SAXO1: variants seen among roughly 807,000 people sequenced by gnomAD.
SAXO1 encodes the protein 4930500O09Rik.
Under a neutral mutation model 17.5 loss-of-function variants are expected in SAXO1, and 21 were observed. That is an observed-to-expected ratio of 1.20 (90% CI 0.85 to 1.72). The LOEUF (loss-of-function observed/expected upper bound fraction) is 1.72, where lower values mean the gene tolerates loss of function less well. SAXO1 is among the 40% of genes most tolerant of loss of function. The probability of loss-of-function intolerance (pLI) is 0.00; values close to 1 mark genes in which losing one functional copy is unlikely to be tolerated. For synonymous variants in SAXO1, 274 were observed against 216.5 expected (o/e 1.27, Z -2.33); for missense variants, 843 against 596.0 (o/e 1.41, Z -4.32).
intron 2 of SAXO1, among the ~76,000 whole-genome samples, chr9:18,949,425 C>G (rs1831930613): frequency 6.6e-6 from 1 of 152,102 alleles, no homozygotes; most frequent in Non-Finnish European, 1.5e-5. Flanking sequence ...CCATTGCACT[C>G]CAGCCATGGC....
At chr9:19,013,187 C>A (rs1234127662) in intron 1 of SAXO1, among the ~76,000 whole-genome samples, 1 of 151,826 alleles carries the variant, frequency 6.6e-6, no homozygotes, top group East Asian at 1.9e-4. Context: ...GCCAAAAGGC[C>A]GAGAAGCGAT....
In SAXO1 at chr9:18,999,650, G is replaced by A. The variant is rs376532653; in HGVS notation, c.38+33221C>T. ...AAGTGAAGAGCCCCTCTGCCCGGCC[G>A]CCACACCGTCTGGGAAGTGAGGAGC... On this transcript the variant is annotated intron_variant, in intron 1 of 3. Coordinates refer to ENST00000380534, the MANE Select transcript of SAXO1 (RefSeq NM_153707.4). 1.6e-4 allele frequency among the ~76,000 whole-genome samples: 24 copies of A among 149,538 alleles called. 1 individual carries two copies. Among genetic ancestry groups the A allele is most frequent in the African/African-American group, 2.5e-4 (10 of 40,418 alleles).
At chr9:18,995,503 A>C (rs1178150715) in intron 1 of SAXO1, among the ~76,000 whole-genome samples, 1 of 152,210 alleles carries the variant, frequency 6.6e-6, no homozygotes, top group Non-Finnish European at 1.5e-5. Context: ...ACTAAAGAAG[A>C]ATGTTCTCCT....
chr9:18,969,046 T>C (rs1832846767), intron 1 of SAXO1, among the ~76,000 whole-genome samples: 1 of 144,516 alleles, frequency 6.9e-6, no homozygotes, highest in African/African-American at 2.9e-5. Context: ...CCCACTCTGT[T>C]CTCTTTTTGC....
At chr9:18,965,449 A>G (rs1254379697) in intron 1 of SAXO1, among the ~76,000 whole-genome samples, 1 of 152,172 alleles carries the variant, frequency 6.6e-6, no homozygotes, top group Non-Finnish European at 1.5e-5. Context: ...TTGGGTGCAT[A>G]TATATTTAGG....
chr9:19,034,956 A>G (rs1835897651), upstream of SAXO1, among the ~76,000 whole-genome samples: 1 of 152,174 alleles, frequency 6.6e-6, no homozygotes, highest in African/African-American at 2.4e-5. Context: ...GTCAACAATC[A>G]TGGTACTCCC....
chr9:18,969,655 A>G (rs1246437360), intron 1 of SAXO1, among the ~76,000 whole-genome samples: 6 of 152,220 alleles, frequency 3.9e-5, no homozygotes, highest in African/African-American at 1.4e-4. Context: ...CTTGTTCACT[A>G]TTATATAAAC....
At chr9:18,957,562 A>C (rs1832304916) in intron 1 of SAXO1, among the ~76,000 whole-genome samples, 5 of 152,184 alleles carry the variant, frequency 3.3e-5, no homozygotes. Flanking sequence ...GTGACCTGTC[A>C]CAGCTGCTGT....
chr9:18,945,122 T>A (rs1428848456), intron 2 of SAXO1, among the ~76,000 whole-genome samples: 1 of 152,180 alleles, frequency 6.6e-6, no homozygotes, highest in East Asian at 1.9e-4. Flanking sequence ...GACACTATCC[T>A]CACTGAGCTC....
chr9:18,969,086 T>A (rs751630015), intron 1 of SAXO1, among the ~76,000 whole-genome samples: 28 of 151,812 alleles, frequency 1.8e-4, no homozygotes, highest in Non-Finnish European at 3.8e-4. Context: ...ATTAAGGAAA[T>A]ATGTATACAA....
chr9:18,995,554 C>T (rs540809521), intron 1 of SAXO1, among the ~76,000 whole-genome samples: 1 of 152,316 alleles, frequency 6.6e-6, no homozygotes, highest in African/African-American at 2.4e-5. Flanking sequence ...GCTGCTATTC[C>T]CTTTTTTAAG....
At chr9:18,944,551 T>C (rs893136322) in intron 2 of SAXO1, among the ~76,000 whole-genome samples, 1 of 152,212 alleles carries the variant, frequency 6.6e-6, no homozygotes, top group Non-Finnish European at 1.5e-5. Flanking sequence ...TGTGCACATG[T>C]GACATGAACC....
intron 1 of SAXO1, among the ~76,000 whole-genome samples, chr9:19,021,334 G>A (rs1835225533): frequency 6.6e-6 from 1 of 152,340 alleles, no homozygotes; most frequent in Non-Finnish European, 1.5e-5. Context: ...GACACCGCAA[G>A]AGCCATAAGG....
intron 1 of SAXO1, among the ~76,000 whole-genome samples, chr9:19,009,360 A>G (rs1298187491): frequency 1.3e-5 from 2 of 152,198 alleles, no homozygotes; most frequent in African/African-American, 4.8e-5. Context: ...ATTTTTAAGC[A>G]TGGGGAGTCC....
intron 3 of SAXO1, among the ~76,000 whole-genome samples, chr9:18,938,571 C>A (rs1467365954): frequency 2.0e-5 from 3 of 152,026 alleles, no homozygotes; most frequent in South Asian, 4.1e-4. Context: ...CCCCATTATA[C>A]AATCACCTCT....
intron 3 of SAXO1, among the ~76,000 whole-genome samples, chr9:18,938,816 G>A (rs1311535897): frequency 7.8e-6 from 1 of 128,856 alleles, no homozygotes; most frequent in African/African-American, 3.0e-5. Flanking sequence ...GTGCATGCGT[G>A]CGTGCGTGTG....
At chr9:19,031,501 C>T (rs1230419259) in intron 1 of SAXO1, among the ~76,000 whole-genome samples, 3 of 152,218 alleles carry the variant, frequency 2.0e-5, no homozygotes, top group African/African-American at 4.8e-5. Flanking sequence ...GCATAGGTTG[C>T]AGTGAAGCGA....
At chr9:19,022,746 A>C (rs1835301130) in intron 1 of SAXO1, among the ~76,000 whole-genome samples, 1 of 152,230 alleles carries the variant, frequency 6.6e-6, no homozygotes, top group Non-Finnish European at 1.5e-5. Context: ...GATATTTAAA[A>C]TATAAGGATA....
intron 3 of SAXO1, among the ~76,000 whole-genome samples, chr9:18,929,921 G>T (rs144963942): frequency 1.3e-5 from 2 of 152,322 alleles, no homozygotes; most frequent in East Asian, 3.9e-4. Flanking sequence ...TTGTGCTCAA[G>T]TCTTTCCATA....
Sources: gnomAD v4.1 joint callset for allele counts (sites outside exome capture counted in the v4.1 genomes callset) on GRCh38, gnomAD v4.1.1 for gene constraint, MANE v1.5 for transcripts, NCBI Gene and HGNC (gene_info 2026-07-23, HGNC 2026-07-21) for gene names.